Variants in MAMLD1 observed in about 807,000 individuals in gnomAD.
MAMLD1 encodes mastermind like domain containing 1, also known as mastermind-like domain-containing protein 1.
In MAMLD1, 14 loss-of-function variants were observed where a neutral mutation model predicts 45.0. The observed-to-expected ratio is 0.31, with a 90% confidence interval of 0.21 to 0.49. The LOEUF (loss-of-function observed/expected upper bound fraction) is 0.49. Among genes scored for constraint, MAMLD1 ranks in the 20% least tolerant of loss-of-function variants. MAMLD1 has a pLI of 0.99. For synonymous variants in MAMLD1, 254 were observed against 247.8 expected (o/e 1.02, Z -0.24); for missense variants, 543 against 603.6 (o/e 0.90, Z 1.05).
chrX:150,432,587 T>C (rs1219465888), intron 1 of MAMLD1, among the ~76,000 whole-genome samples: 1 of 112,162 alleles, frequency 8.9e-6, no homozygotes, highest in Non-Finnish European at 1.9e-5. Context: ...CTGGAGTTGA[T>C]TTTTCTATAT....
At chrX:150,462,149 A>G (rs1355586456) in intron 2 of MAMLD1, among the ~76,000 whole-genome samples, 1 of 112,331 alleles carries the variant, frequency 8.9e-6, no homozygotes, top group Non-Finnish European at 1.9e-5. Context: ...TGGAAGCACC[A>G]TGGTGAGATG....
chrX:150,387,635 A>G (rs1471988112), intron 1 of MAMLD1, among the ~76,000 whole-genome samples: 8 of 111,971 alleles, frequency 7.1e-5, no homozygotes, highest in Non-Finnish European at 3.8e-5. Context: ...ATGTATACCA[A>G]GGGAGGATTG....
rs1005490291 is a variant in MAMLD1 at position 150,470,612 on chromosome X, C to T, written c.1039C>T (p.His347Tyr). The part of the protein sequence containing the change: ...SPPYRPVPSP[H>Y]PPPLPLPPPP... ...ACCTTACCGCCCAGTGCCATCACCACACCCACCACCGCTGCCACTGCCACC... is the reference window on the plus strand; with the variant it reads ...ACCTTACCGCCCAGTGCCATCACCATACCCACCACCGCTGCCACTGCCACC... Residue 347 changes from histidine (H) to tyrosine (Y), a missense_variant, in exon 4 of 8, where the codon CAC (histidine) becomes TAC (tyrosine). His to Tyr is a moderately conservative substitution (Grantham distance 83). Coordinates refer to ENST00000370401, the MANE Select transcript of MAMLD1 (RefSeq NM_005491.5). 2 of 1,210,046 alleles carry T rather than the reference C, an allele frequency of 1.7e-6. No individual in the cohort carries two copies. Among genetic ancestry groups the T allele is most frequent in the Admixed American group, 2.2e-5 (1 of 45,857 alleles).
chrX:150,451,557 G>T (rs2035665408), intron 2 of MAMLD1, among the ~76,000 whole-genome samples: 1 of 111,658 alleles, frequency 9.0e-6, no homozygotes, highest in African/African-American at 3.3e-5. Flanking sequence ...GCTACCCCTG[G>T]AGTGCTGCAT....
At chrX:150,456,416 A>G (rs1232271420) in intron 2 of MAMLD1, among the ~76,000 whole-genome samples, 1 of 111,574 alleles carries the variant, frequency 9.0e-6, no homozygotes, top group Non-Finnish European at 1.9e-5. Flanking sequence ...AGGCTGATGA[A>G]TGAGAAAGTA....
chrX:150,436,897 GT>G lies in MAMLD1; in HGVS notation c.-63-8547del, dbSNP rs200518170. ...TCTTTGAAGTTGCATTCCTTTGCATGTTTTTTTTTTCTTTTTTGATGTCCTT... is the reference window on the plus strand; with the variant it reads ...TCTTTGAAGTTGCATTCCTTTGCATGTTTTTTTTTCTTTTTTGATGTCCTT... On this transcript the variant is annotated intron_variant, in intron 1 of 7. Coordinates refer to ENST00000370401, the MANE Select transcript of MAMLD1 (RefSeq NM_005491.5). Among the ~76,000 whole-genome samples the G allele has an allele frequency of 3.2e-4, 34 of 107,107 alleles. 1 individual carries two copies. The South Asian group carries it at 3.3e-3, about 10-fold the overall frequency. 93.0% of individuals were successfully genotyped at this position (107,107 alleles called of 115,157 possible). A position where few individuals can be genotyped will look rare whatever the true frequency, so the allele number is the denominator to read the frequency against.
At chrX:150,464,494 T>C (rs782270324) in intron 3 of MAMLD1, among the ~76,000 whole-genome samples, 48 of 112,402 alleles carry the variant, frequency 4.3e-4, no homozygotes, top group African/African-American at 1.5e-3. Flanking sequence ...TGCTGGGACA[T>C]TCTGCTGAAA....
At chrX:150,377,012 C>T (rs1557401471) in intron 1 of MAMLD1, among the ~76,000 whole-genome samples, 1 of 112,817 alleles carries the variant, frequency 8.9e-6, no homozygotes, top group Non-Finnish European at 1.9e-5. Context: ...TATTTTTAAT[C>T]ACATAAATGT....
At chrX:150,428,034 T>A (rs1273435661) in intron 1 of MAMLD1, among the ~76,000 whole-genome samples, 1 of 109,583 alleles carries the variant, frequency 9.1e-6, no homozygotes, top group African/African-American at 3.3e-5. Context: ...AAGCAAGAGG[T>A]CGTAGATAAT....
At chrX:150,394,653 G>A (rs1366125311) in intron 1 of MAMLD1, among the ~76,000 whole-genome samples, 12 of 111,042 alleles carry the variant, frequency 1.1e-4, no homozygotes, top group African/African-American at 3.3e-4. Context: ...GATCTTGTGC[G>A]TATTTTCTTA....
At chrX:150,414,028 CAAAAA>C (rs56866886) in intron 1 of MAMLD1, among the ~76,000 whole-genome samples, 3 of 31,331 alleles carry the variant, frequency 9.6e-5, no homozygotes, top group Admixed American at 7.4e-4. Context: ...CAGAAAACTG[CAAAAA>C]AAAAAAAAAA....
chrX:150,472,092 T>C (rs1557406600), intron 4 of MAMLD1, among the ~76,000 whole-genome samples: 1 of 112,013 alleles, frequency 8.9e-6, no homozygotes, highest in African/African-American at 3.2e-5. Flanking sequence ...CAGAGTCACA[T>C]AGTTCGCAAG....
chrX:150,444,459 A>G (rs782039864), intron 1 of MAMLD1, among the ~76,000 whole-genome samples: 6 of 112,070 alleles, frequency 5.4e-5, no homozygotes, highest in Non-Finnish European at 1.1e-4. Flanking sequence ...AACAAAATCC[A>G]GAGAACTCGC....
intron 2 of MAMLD1, among the ~76,000 whole-genome samples, chrX:150,462,085 A>G (rs1557405643): frequency 8.9e-6 from 1 of 112,006 alleles, no homozygotes; most frequent in African/African-American, 3.3e-5. Context: ...CCAGGCAGCA[A>G]TCCTGTGGAG....
chrX:150,398,787 T>C (rs1179352308), intron 1 of MAMLD1, among the ~76,000 whole-genome samples: 1 of 111,409 alleles, frequency 9.0e-6, no homozygotes, highest in Non-Finnish European at 1.9e-5. Context: ...ATGGTGTAAT[T>C]ATTTATAGAA....
At chrX:150,413,196 C>CTT (rs1401606584) in intron 1 of MAMLD1, among the ~76,000 whole-genome samples, 1 of 111,691 alleles carries the variant, frequency 9.0e-6, no homozygotes, top group Non-Finnish European at 1.9e-5. Flanking sequence ...ATTCATGGAT[C>CTT]TTGAGAGATC....
intron 6 of MAMLD1, chrX:150,505,129 T>C: frequency 1.4e-6 from 1 of 737,051 alleles, no homozygotes; most frequent in Non-Finnish European, 1.6e-6. Context: ...ATCTCTGCCG[T>C]TTGCTTTCAG....
chrX:150,403,940 A>AAAG (rs1557402564), intron 1 of MAMLD1, among the ~76,000 whole-genome samples: 56 of 58,866 alleles, frequency 9.5e-4, no homozygotes, highest in African/African-American at 2.7e-3. Context: ...AGAAAGAAAG[A>AAAG]AAAGAAAGAA....
chrX:150,401,986 A>T (rs2033790047), intron 1 of MAMLD1, among the ~76,000 whole-genome samples: 1 of 111,928 alleles, frequency 8.9e-6, no homozygotes, highest in South Asian at 3.7e-4. Flanking sequence ...AAACCTAGGC[A>T]TTACCATTCA....
Sources: gnomAD v4.1 joint callset for allele counts (sites outside exome capture counted in the v4.1 genomes callset) on GRCh38, gnomAD v4.1.1 for gene constraint, MANE v1.5 for transcripts, NCBI Gene and HGNC (gene_info 2026-07-23, HGNC 2026-07-21) for gene names.